NAA35: variants seen among roughly 807,000 people sequenced by gnomAD.
NAA35 encodes the protein N-alpha-acetyltransferase 35, NatC auxiliary subunit, also known as MAK10 homolog, amino-acid N-acetyltransferase subunit.
NAA35 carries 18 observed loss-of-function variants against 101.7 expected under a neutral mutation model. That is an observed-to-expected ratio of 0.18 (90% CI 0.12 to 0.26). The LOEUF is 0.26. Ranked by LOEUF, NAA35 falls within the 10% of genes least tolerant of loss-of-function variation. The pLI, the probability that NAA35 is intolerant of heterozygous loss-of-function variation, is 1.00. For missense variants in NAA35, 601 were observed against 886.8 expected (o/e 0.68, Z 4.09); for synonymous variants, 267 against 273.1 (o/e 0.98, Z 0.22).
At chr9:85,977,476 T>A (rs1232664732) in intron 10 of NAA35, 30 bp downstream of exon 10, 3 of 1,499,158 alleles carry the variant, frequency 2.0e-6, no homozygotes, top group Non-Finnish European at 2.8e-6. Context: ...TATGTCTATT[T>A]GTTTTAGTGA....
At chr9:85,992,173 C>CA (rs60842873) in intron 11 of NAA35, among the ~76,000 whole-genome samples, 123,597 of 137,554 alleles carry the variant, frequency 0.9, 55,894 homozygotes, top group Non-Finnish European at 0.98. Context: ...GACTCCGTCT[C>CA]AAAAAAAAAA....
At chr9:85,957,893 G>T (rs375188796) in intron 3 of NAA35, among the ~76,000 whole-genome samples, 1 of 151,884 alleles carries the variant, frequency 6.6e-6, no homozygotes, top group Admixed American at 6.6e-5. Flanking sequence ...GTCCTACCCC[G>T]AGAATTCTTT....
intron 12 of NAA35, among the ~76,000 whole-genome samples, chr9:85,998,689 A>G (rs1831283888): frequency 6.6e-6 from 1 of 152,160 alleles, no homozygotes; most frequent in African/African-American, 2.4e-5. Context: ...TTTAATTGGT[A>G]GGATTATAGT....
intron 15 of NAA35, among the ~76,000 whole-genome samples, chr9:86,012,784 AGAT>A (rs1268059591): frequency 6.6e-6 from 1 of 152,250 alleles, no homozygotes; most frequent in Non-Finnish European, 1.5e-5. Context: ...AATTGCAAGA[AGAT>A]ATCTAAAGAT....
At chr9:85,941,753 T>A (rs780225551) in intron 1 of NAA35, 502 of 989,780 alleles carry the variant, frequency 5.1e-4, no homozygotes, top group Non-Finnish European at 5.9e-4. Flanking sequence ...GCTACCTTGA[T>A]TGACTTCGGT....
rs76428955 is a variant in NAA35 at position 85,991,289 on chromosome 9, C to G, written c.878-5110C>G. Among the ~76,000 whole-genome samples, 7 of 152,022 alleles carry G rather than the reference C, an allele frequency of 4.6e-5. No homozygotes were observed. In the East Asian group the frequency reaches 1.4e-3, roughly 29 times the overall value. On this transcript the variant is annotated intron_variant, in intron 11 of 22. Transcript: ENST00000361671. ...GCCTGGCAGAGTAGGGTGGTGAAAC[C>G]TGAGGTAAATTCATGGAGGTGGTTG... is the stretch of plus-strand genomic sequence containing the variant.
rs1377861930 is a variant in NAA35, at chr9:86,017,609, C to A, written c.1773+44C>A. ...AGTTCTTTTTGCCTTTTAGCTATATCCCTATTATATAGTTTATTTAAACTG... is the reference window on the plus strand; with the variant it reads ...AGTTCTTTTTGCCTTTTAGCTATATACCTATTATATAGTTTATTTAAACTG... On this transcript the variant is annotated intron_variant, in intron 19 of 22. Coordinates refer to ENST00000361671, the MANE Select transcript of NAA35 (RefSeq NM_024635.4). The A allele has an allele frequency of 2.7e-6, 4 of 1,463,246 alleles. No individual in the cohort carries two copies. In the African/African-American group the frequency reaches 4.2e-5, roughly 15 times the overall value. The allele number at this position is 1,463,246 out of a possible 1,614,324, so 90.6% of individuals were successfully genotyped here. A position where few individuals can be genotyped will look rare whatever the true frequency, so the allele number is the denominator to read the frequency against.
chr9:85,957,685 T>C (rs1829335823), intron 3 of NAA35, among the ~76,000 whole-genome samples: 4 of 152,214 alleles, frequency 2.6e-5, no homozygotes, highest in Admixed American at 2.6e-4. Flanking sequence ...TATATGCCCA[T>C]ATGTAGCCCC....
chr9:86,006,799 T>C (rs1253695078), intron 13 of NAA35, among the ~76,000 whole-genome samples: 1 of 152,210 alleles, frequency 6.6e-6, no homozygotes, highest in Non-Finnish European at 1.5e-5. Flanking sequence ...TTTTACCATA[T>C]GTAAATTTTA....
chr9:86,006,640 C>T (rs1011134548), intron 13 of NAA35, among the ~76,000 whole-genome samples: 1 of 151,972 alleles, frequency 6.6e-6, no homozygotes, highest in Non-Finnish European at 1.5e-5. Flanking sequence ...GGGTTTGGGG[C>T]GGGAGGAGCG....
chr9:85,985,429 AGAAAT>A (rs1213663573), intron 11 of NAA35, among the ~76,000 whole-genome samples: 2 of 152,234 alleles, frequency 1.3e-5, no homozygotes, highest in African/African-American at 4.8e-5. Flanking sequence ...GTCAACAAAA[AGAAAT>A]GAAGTACTGA....
intron 6 of NAA35, among the ~76,000 whole-genome samples, chr9:85,973,210 A>G (rs931452010): frequency 2.1e-4 from 32 of 152,212 alleles, no homozygotes; most frequent in African/African-American, 7.5e-4. Context: ...GTGGTAGGAA[A>G]TAAAGTTGGC....
intron 2 of NAA35, among the ~76,000 whole-genome samples, chr9:85,954,167 A>G (rs765024064): frequency 1.3e-5 from 2 of 151,892 alleles, no homozygotes; most frequent in East Asian, 1.9e-4. Flanking sequence ...TGCTACCTCA[A>G]ACTACAGGGT....
chr9:85,975,548 T>C (rs1830177586), intron 8 of NAA35, among the ~76,000 whole-genome samples: 1 of 152,174 alleles, frequency 6.6e-6, no homozygotes, highest in Non-Finnish European at 1.5e-5. Context: ...TTATAATATT[T>C]AATATGTAAA....
At chr9:85,958,040 C>T (rs1371593251) in intron 3 of NAA35, among the ~76,000 whole-genome samples, 1 of 151,880 alleles carries the variant, frequency 6.6e-6, no homozygotes, top group Non-Finnish European at 1.5e-5. Context: ...CTCCCGGGTT[C>T]AAGCGATTCT....
chr9:86,012,894 A>T (rs970961437), intron 15 of NAA35, 152 bp from the exon 16 acceptor site: 1 of 413,026 alleles, frequency 2.4e-6, no homozygotes, highest in Non-Finnish European at 4.2e-6. Context: ...CTTAAAACAA[A>T]CACCTATGTA....
In NAA35 at chr9:85,975,173, G is replaced by C. The variant is rs1830156435; in HGVS notation, c.627+16G>C. The C allele has an allele frequency of 1.2e-6, 2 of 1,611,094 alleles. No individual in the cohort carries two copies. Among genetic ancestry groups the C allele is most frequent in the African/African-American group, 1.3e-5 (1 of 74,768 alleles). ...AAGAGTAAAGGTATATATGTTTTCT[G>C]TTTGGTGTGGGGTTTTGGTACACTT... On this transcript the variant is annotated intron_variant, in intron 8 of 22. Transcript: ENST00000361671.
At chr9:85,959,303 G>C (rs1829407396) in intron 4 of NAA35, among the ~76,000 whole-genome samples, 1 of 151,092 alleles carries the variant, frequency 6.6e-6, no homozygotes, top group African/African-American at 2.4e-5. Context: ...GTGGACCCGG[G>C]AGGCGGAGCT....
At chr9:85,979,336 A>T (rs140042465) in intron 11 of NAA35, among the ~76,000 whole-genome samples, 1 of 152,342 alleles carries the variant, frequency 6.6e-6, no homozygotes, top group African/African-American at 2.4e-5. Flanking sequence ...AAAAGAGGCA[A>T]AGGCAGAGGA....
Sources: allele counts gnomAD v4.1 joint callset (sites outside exome capture counted in the v4.1 genomes callset), GRCh38; gene constraint gnomAD v4.1.1; transcripts MANE v1.5; gene names NCBI Gene and HGNC (gene_info 2026-07-23, HGNC 2026-07-21).